Variants in MGAT4C observed in about 807,000 individuals in gnomAD.
The protein encoded by MGAT4C is MGAT4 family member C.
In MGAT4C, 19 loss-of-function variants were observed where a neutral mutation model predicts 40.1. The observed-to-expected ratio is 0.47, with a 90% confidence interval of 0.33 to 0.70. The LOEUF (loss-of-function observed/expected upper bound fraction) is 0.70, where lower values mean the gene tolerates loss of function less well. Among genes scored for constraint, MGAT4C ranks in the 30% least tolerant of loss-of-function variants. The pLI, the probability that MGAT4C is intolerant of heterozygous loss-of-function variation, is 0.02. For missense variants in MGAT4C, 491 were observed against 563.2 expected (o/e 0.87, Z 1.30); for synonymous variants, 181 against 187.1 (o/e 0.97, Z 0.27).
intron 1 of MGAT4C, among the ~76,000 whole-genome samples, chr12:86,147,887 A>G (rs1883760360): frequency 6.6e-6 from 1 of 152,202 alleles, no homozygotes; most frequent in Non-Finnish European, 1.5e-5. Flanking sequence ...AGAAGCACAT[A>G]CAGAAATATA....
intron 2 of MGAT4C, among the ~76,000 whole-genome samples, chr12:86,704,696 A>G (rs1156235): frequency 0.31 from 46,872 of 151,980 alleles, 9,010 homozygotes; most frequent in Admixed American, 0.45. Flanking sequence ...GACAGTAAAC[A>G]TGATTGGCAA....
At chr12:86,351,507 T>C (rs1955161630) in intron 3 of MGAT4C, among the ~76,000 whole-genome samples, 1 of 151,998 alleles carries the variant, frequency 6.6e-6, no homozygotes, top group South Asian at 2.1e-4. Flanking sequence ...AAATCACACA[T>C]AATCCTATTA....
intron 2 of MGAT4C, among the ~76,000 whole-genome samples, chr12:86,589,183 A>T (rs1253392533): frequency 2.0e-5 from 3 of 152,174 alleles, no homozygotes; most frequent in Non-Finnish European, 4.4e-5. Flanking sequence ...AAAAGAGAGA[A>T]AAATCAAATA....
chr12:86,789,648 T>C (rs1033376528), intron 1 of MGAT4C, among the ~76,000 whole-genome samples: 2 of 152,078 alleles, frequency 1.3e-5, no homozygotes, highest in African/African-American at 2.4e-5. Context: ...CTTGACTGAA[T>C]TGAATGGTAC....
intron 2 of MGAT4C, among the ~76,000 whole-genome samples, chr12:86,611,905 A>G (rs1962295578): frequency 6.6e-6 from 1 of 152,204 alleles, no homozygotes; most frequent in Non-Finnish European, 1.5e-5. Context: ...TTTGATACAT[A>G]TAAATGTTTT....
intron 4 of MGAT4C, among the ~76,000 whole-genome samples, chr12:86,297,386 C>A (rs1311277709): frequency 6.6e-6 from 1 of 152,020 alleles, no homozygotes; most frequent in Non-Finnish European, 1.5e-5. Context: ...TGTGTATATA[C>A]TTATATATTT....
chr12:86,414,925 A>G (rs1326959594), intron 3 of MGAT4C, among the ~76,000 whole-genome samples: 1 of 152,132 alleles, frequency 6.6e-6, no homozygotes, highest in African/African-American at 2.4e-5. Context: ...AAACAAGTTT[A>G]ACTCAATGTG....
chr12:86,733,982 G>A (rs1437130044), intron 1 of MGAT4C, among the ~76,000 whole-genome samples: 1 of 152,074 alleles, frequency 6.6e-6, no homozygotes, highest in Non-Finnish European at 1.5e-5. Flanking sequence ...CAAGAGGCTA[G>A]TCTCTCAAGA....
rs1883167757 is a variant in MGAT4C, at chr12:85,962,534, G to A, written c.*16755C>T. 6.7e-6 allele frequency: 1 copy of A among 149,700 alleles called. No homozygotes were observed. The highest frequency in any genetic ancestry group is 1.5e-5 in the Non-Finnish European group (1 of 67,266). The allele number at this position is 149,700 out of a possible 1,614,324, so 9.3% of individuals were successfully genotyped here. ...ATGATATGTATGGTTATTACTAAAT[G>A]TATAATACATTTAGTAATGTGATTT... On this transcript the variant is annotated 3_prime_UTR_variant, in exon 5 of 5. Transcript: ENST00000611864.
At chr12:86,654,621 T>C (rs1414404638) in intron 2 of MGAT4C, among the ~76,000 whole-genome samples, 1 of 151,978 alleles carries the variant, frequency 6.6e-6, no homozygotes, top group African/African-American at 2.4e-5. Context: ...CTTTCTTTAG[T>C]TTAGCTGTAA....
At chr12:86,826,227 T>G (rs187164072) in intron 1 of MGAT4C, among the ~76,000 whole-genome samples, 1 of 151,462 alleles carries the variant, frequency 6.6e-6, no homozygotes, top group African/African-American at 2.4e-5. Flanking sequence ...CGACTTCCTG[T>G]GTTATGTGAC....
chr12:86,191,297 C>G (rs1889427708), intron 1 of MGAT4C, among the ~76,000 whole-genome samples: 1 of 151,940 alleles, frequency 6.6e-6, no homozygotes, highest in South Asian at 2.1e-4. Context: ...ACCAATGGCT[C>G]TATTTCTAGT....
chr12:85,989,307 T>C (rs1885612457), intron 3 of MGAT4C, 93 bp downstream of exon 3: 1 of 1,245,708 alleles, frequency 8.0e-7, no homozygotes, highest in Non-Finnish European at 1.1e-6. Context: ...TCTTCTCCAA[T>C]AGCTTGAGAT....
intron 4 of MGAT4C, among the ~76,000 whole-genome samples, chr12:86,325,858 C>A (rs1245470885): frequency 6.7e-6 from 1 of 149,400 alleles, no homozygotes; most frequent in Non-Finnish European, 1.5e-5. Context: ...GCCTGGGCAA[C>A]AGACTGAGAC....
chr12:86,231,439 C>T (rs532816907), intron 1 of MGAT4C, among the ~76,000 whole-genome samples: 7 of 152,212 alleles, frequency 4.6e-5, no homozygotes, highest in East Asian at 1.9e-4. Flanking sequence ...TAACTACCCA[C>T]GTAACATAAA....
upstream of MGAT4C, among the ~76,000 whole-genome samples, chr12:86,261,004 C>G (rs1033107951): frequency 3.3e-5 from 5 of 151,824 alleles, no homozygotes; most frequent in Admixed American, 2.0e-4. Context: ...AGGTTTTGTT[C>G]ATTAAACATC....
At chr12:86,222,978 T>C (rs1950940176) in intron 1 of MGAT4C, among the ~76,000 whole-genome samples, 1 of 152,124 alleles carries the variant, frequency 6.6e-6, no homozygotes, top group Non-Finnish European at 1.5e-5. Context: ...TCGACTTCTG[T>C]GGGCTTCAAG....
Position 86,073,377 on chromosome 12 carries a change from T to C in MGAT4C, c.-56-23654A>G, listed in dbSNP as rs1001969871. ...TGACTAATACAGTAAATTGATACCA[T>C]AGATTGGGGTGCTGTTCTAAAGATA... On this transcript the variant is annotated intron_variant, in intron 1 of 4. Coordinates refer to ENST00000611864, the MANE Select transcript of MGAT4C (RefSeq NM_001351288.2). Among the ~76,000 whole-genome samples, 6 of 152,170 alleles carry C rather than the reference T, an allele frequency of 3.9e-5. No homozygotes were observed. In the East Asian group the frequency reaches 5.8e-4, roughly 15 times the overall value.
intron 2 of MGAT4C, among the ~76,000 whole-genome samples, chr12:86,449,088 C>A (rs1053901125): frequency 3.9e-5 from 6 of 151,990 alleles, no homozygotes; most frequent in African/African-American, 1.5e-4. Flanking sequence ...TGGGCTAAGA[C>A]AAAATGTAAC....
Sources: gnomAD v4.1 joint callset for allele counts (sites outside exome capture counted in the v4.1 genomes callset) on GRCh38, gnomAD v4.1.1 for gene constraint, MANE v1.5 for transcripts, NCBI Gene and HGNC (gene_info 2026-07-23, HGNC 2026-07-21) for gene names.